ATIC: variants seen among roughly 807,000 people sequenced by gnomAD.
The protein encoded by ATIC is bifunctional purine biosynthesis protein ATIC.
A neutral mutation model predicts 72.5 loss-of-function variants in ATIC; 64 were observed. The ratio of observed to expected loss-of-function variants is 0.88; its 90% confidence interval spans 0.72 to 1.09. ATIC has a LOEUF of 1.09. Among genes scored for constraint, ATIC ranks in the 50% least tolerant of loss-of-function variants. The pLI is 0.00. For synonymous variants in ATIC, 281 were observed against 267.1 expected, an observed-to-expected ratio of 1.05 and a Z score of -0.51; for missense variants, 787 against 732.4, an observed-to-expected ratio of 1.07 and a Z score of -0.86.
chr2:215,356,401 A>G, the ATIC span, among the ~76,000 whole-genome samples: 2 of 152,328 alleles, frequency 1.3e-5, no homozygotes, highest in African/African-American at 4.8e-5. Context: ...TCTCTTCCTC[A>G]TGAAGGAGCA....
At chr2:215,312,351 C>A in intron 1 of ATIC, 147 bp from the exon 2 acceptor site, 1 of 1,524,268 alleles carries the variant, frequency 6.6e-7, no homozygotes, top group South Asian at 1.1e-5. Context: ...GGTGTAAGAC[C>A]TGGGGAGGCC....
intron 6 of ATIC, 98 bp downstream of exon 6, chr2:215,326,236 C>G (rs2052824151): frequency 7.0e-7 from 1 of 1,436,180 alleles, no homozygotes; most frequent in Non-Finnish European, 9.7e-7. Context: ...CATTACCTAC[C>G]AAAGCTTTGC....
At chr2:215,362,136 A>C in the ATIC span, 1 of 1,332,084 alleles carries the variant, frequency 7.5e-7, no homozygotes, top group Admixed American at 1.7e-5. Flanking sequence ...AGGACATCGT[A>C]ATTTAGTGTT....
At chr2:215,343,417 G>A (rs1325743720) in intron 12 of ATIC, among the ~76,000 whole-genome samples, 2 of 151,986 alleles carry the variant, frequency 1.3e-5, no homozygotes, top group East Asian at 3.9e-4. Context: ...TCTCACTGCA[G>A]CCTCCACCAC....
At chr2:215,362,287 C>G in the ATIC span, 2 of 576,634 alleles carry the variant, frequency 3.5e-6, no homozygotes, top group East Asian at 3.1e-5. Flanking sequence ...CTACATCTGT[C>G]TCTCTATGTT....
chr2:215,338,601 A>T (rs1264943028), intron 11 of ATIC, among the ~76,000 whole-genome samples, 178 bp from the exon 12 acceptor site: 1 of 152,208 alleles, frequency 6.6e-6, no homozygotes, highest in Non-Finnish European at 1.5e-5. Context: ...ATTGTATCAT[A>T]CCAGAATGAT....
At chr2:215,335,092 TTATA>T in intron 10 of ATIC, 88 bp downstream of exon 10, 1 of 723,450 alleles carries the variant, frequency 1.4e-6, no homozygotes, top group Non-Finnish European at 2.1e-6. Context: ...CCTATAATAT[TTATA>T]TTTATAATAT....
At chr2:215,362,065 G>T in the ATIC span, 19 of 1,613,814 alleles carry the variant, frequency 1.2e-5, no homozygotes, top group Non-Finnish European at 1.5e-5. Context: ...TGCGGCAGTT[G>T]TCACAGCGCC....
chr2:215,352,767 G>T (rs1365132235), downstream of ATIC, among the ~76,000 whole-genome samples: 1 of 38,078 alleles, frequency 2.6e-5, no homozygotes, highest in African/African-American at 4.6e-5. Flanking sequence ...CCCAAGCCTG[G>T]TACATCATTG....
At chr2:215,318,030 A>G in intron 2 of ATIC, 127 bp from the exon 3 acceptor site, 1 of 843,436 alleles carries the variant, frequency 1.2e-6, no homozygotes, top group Middle Eastern at 2.3e-4. Flanking sequence ...AAATACTTTA[A>G]AAAATCAGAA....
chr2:215,322,599 T>C (rs1447377296), intron 4 of ATIC, among the ~76,000 whole-genome samples: 1 of 152,164 alleles, frequency 6.6e-6, no homozygotes, highest in Non-Finnish European at 1.5e-5. Context: ...CCCAAAGTGC[T>C]GGGATTACAA....
intron 12 of ATIC, among the ~76,000 whole-genome samples, chr2:215,342,413 A>T (rs1025944295): frequency 6.6e-6 from 1 of 152,194 alleles, no homozygotes; most frequent in African/African-American, 2.4e-5. Flanking sequence ...AAGAGTTCCC[A>T]TGTAACCGTT....
intron 6 of ATIC, 111 bp downstream of exon 6, chr2:215,326,249 G>C: frequency 7.5e-7 from 1 of 1,336,806 alleles, no homozygotes. Context: ...AGCTTTGCTT[G>C]GAGCTGCTAT....
At chr2:215,350,540 AAGT>A (rs1177469646), downstream of ATIC, among the ~76,000 whole-genome samples, 6 of 152,210 alleles carry the variant, frequency 3.9e-5, no homozygotes, top group Non-Finnish European at 8.8e-5. Flanking sequence ...GGATTGGTTT[AAGT>A]CTTGTTGACC....
chr2:215,365,122 AAG>A, the ATIC span: 1 of 722,410 alleles, frequency 1.4e-6, no homozygotes. Flanking sequence ...AATCATCCCT[AAG>A]AGCAGTACTG....
At chr2:215,337,925 C>G (rs950716142) in intron 11 of ATIC, among the ~76,000 whole-genome samples, 14 of 152,142 alleles carry the variant, frequency 9.2e-5, no homozygotes, top group African/African-American at 3.4e-4. Flanking sequence ...ATCCCTCTAC[C>G]TGACTAATGA....
Position 215,312,106 on chromosome 2 carries a change from C to A in ATIC, c.-37C>A. On this transcript the variant is annotated 5_prime_UTR_variant, in exon 1 of 16. It adds an upstream start codon to the 5' untranslated region. Transcript: ENST00000236959. The stretch of plus-strand genomic sequence containing the variant: ...ACCTGCGCACGTGGTGCCGCCGCTG[C>A]TGCCTCCCGCTCGCCCTGAACCCAG... The A allele has an allele frequency of 6.5e-7, 1 of 1,530,440 alleles. No homozygotes were observed. Among genetic ancestry groups the A allele is most frequent in the Non-Finnish European group, 8.7e-7 (1 of 1,144,884 alleles). The allele number at this position is 1,530,440 out of a possible 1,614,324, so 94.8% of individuals were successfully genotyped here. A position where few individuals can be genotyped will look rare whatever the true frequency, so the allele number is the denominator to read the frequency against.
intron 7 of ATIC, among the ~76,000 whole-genome samples, chr2:215,327,711 CA>C (rs1333248698): frequency 5.3e-5 from 8 of 152,080 alleles, no homozygotes; most frequent in Admixed American, 1.3e-4. Context: ...TGGCTGAGAG[CA>C]AGGGCAGCCT....
chr2:215,350,696 A>G (rs1014591225), downstream of ATIC, among the ~76,000 whole-genome samples: 3 of 152,200 alleles, frequency 2.0e-5, no homozygotes, highest in African/African-American at 7.2e-5. Context: ...CCAATATTCC[A>G]ATTACAGGCT....
Sources: allele counts gnomAD v4.1 joint callset (sites outside exome capture counted in the v4.1 genomes callset), GRCh38; gene constraint gnomAD v4.1.1; transcripts MANE v1.5; gene names NCBI Gene and HGNC (gene_info 2026-07-23, HGNC 2026-07-21).